Variants in PLEKHA5 observed in about 807,000 individuals in gnomAD.
PLEKHA5 encodes the protein pleckstrin homology domain-containing family A member 5.
In PLEKHA5, 55 loss-of-function variants were observed where a neutral mutation model predicts 181.9. The ratio of observed to expected loss-of-function variants is 0.30; its 90% confidence interval spans 0.24 to 0.38. The LOEUF is 0.38. PLEKHA5 is among the 10% of genes least tolerant of loss of function. The probability of loss-of-function intolerance (pLI) is 1.00; values close to 1 mark genes in which losing one functional copy is unlikely to be tolerated. For missense variants in PLEKHA5, 1,432 were observed against 1,549.5 expected (o/e 0.92, Z 1.27); for synonymous variants, 535 against 529.4 (o/e 1.01, Z -0.15).
At chr12:19,370,530 T>G (rs1249076620) in intron 31 of PLEKHA5, among the ~76,000 whole-genome samples, 1 of 152,030 alleles carries the variant, frequency 6.6e-6, no homozygotes, top group Non-Finnish European at 1.5e-5. Flanking sequence ...TGGTGTAGAG[T>G]AAGAATGTTA....
chr12:19,304,232 C>T (rs1373868885), intron 15 of PLEKHA5, among the ~76,000 whole-genome samples: 3 of 152,226 alleles, frequency 2.0e-5, no homozygotes, highest in South Asian at 2.1e-4. Flanking sequence ...TGGTGAAACC[C>T]GGTCTCTACT....
At chr12:19,360,798 C>G (rs529315530) in intron 28 of PLEKHA5, among the ~76,000 whole-genome samples, 2 of 152,092 alleles carry the variant, frequency 1.3e-5, no homozygotes, top group South Asian at 4.1e-4. Context: ...CCCTGTCGCC[C>G]AGGCTGGAGT....
chr12:19,297,486 G>A (rs956933765), intron 15 of PLEKHA5, among the ~76,000 whole-genome samples: 8 of 151,190 alleles, frequency 5.3e-5, no homozygotes, highest in Non-Finnish European at 1.0e-4. Flanking sequence ...GCCGGGCGCG[G>A]TGGCGGGCGC....
intron 3 of PLEKHA5, among the ~76,000 whole-genome samples, chr12:19,236,219 G>A (rs1245669039): frequency 6.6e-6 from 1 of 152,180 alleles, no homozygotes. Context: ...TACCTTTTCT[G>A]CTAGTTAGTA....
chr12:19,365,961 C>A lies in PLEKHA5; in HGVS notation c.3609-3C>A. On this transcript the variant is annotated splice_polypyrimidine_tract_variant and splice_region_variant and intron_variant, in intron 29 of 31. Transcript: ENST00000429027. ...TTTTTAAATACCAATCTATTTTCAT[C>A]AGCCCTCAAGATGAAACACAGACCG... 1 of 1,584,634 alleles carries A rather than the reference C, an allele frequency of 6.3e-7. No homozygotes were observed. The highest frequency in any genetic ancestry group is 8.5e-7 in the Non-Finnish European group (1 of 1,171,318).
Position 19,143,642 on chromosome 12 carries a change from G to T in PLEKHA5, c.227+11192G>T, listed in dbSNP as rs573271075. On this transcript the variant is annotated intron_variant, in intron 3 of 31. Transcript: ENST00000429027. ...TATATGTGCAATTATGCACAATTAT[G>T]TATGCGGCACATATGCATATATTAT... 7.2e-5 allele frequency among the ~76,000 whole-genome samples: 11 copies of T among 152,148 alleles called. No individual in the cohort carries two copies. The South Asian group carries it at 2.3e-3, about 32-fold the overall frequency.
Position 19,361,700 on chromosome 12 carries a change from C to A in PLEKHA5, c.3602C>A (p.Thr1201Lys). The A allele has an allele frequency of 6.3e-7, 1 of 1,592,966 alleles. No individual in the cohort carries two copies. The highest frequency in any genetic ancestry group is 8.5e-7 in the Non-Finnish European group (1 of 1,169,834). The change falls in exon 29 of 32, where the codon ACA (threonine) becomes AAA (lysine). Residue 1201 changes from threonine (T) to lysine (K), a missense_variant. This residue lies in a region of PLEKHA5 where 1,143 missense variants were observed against 1,168.4 expected (regional missense o/e 0.98). Coordinates refer to ENST00000429027, the MANE Select transcript of PLEKHA5 (RefSeq NM_001256470.2). Reference sequence around the variant, plus strand: ...AAAGACAAAATGCCTGAGGATGTTACATTCAGGTAATATTTAAGAAAAGCA... The same window carrying A: ...AAAGACAAAATGCCTGAGGATGTTAAATTCAGGTAATATTTAAGAAAAGCA... ...RNKDKMPEDV[T>K]FSPQDETQTA...
intron 3 of PLEKHA5, among the ~76,000 whole-genome samples, chr12:19,217,614 C>T (rs1592099634): frequency 6.6e-6 from 1 of 152,156 alleles, no homozygotes; most frequent in Admixed American, 6.5e-5. Flanking sequence ...AAAATTCTCC[C>T]TGGGTCAGAG....
chr12:19,216,146 C>G (rs951587564), intron 3 of PLEKHA5, among the ~76,000 whole-genome samples: 3 of 152,162 alleles, frequency 2.0e-5, no homozygotes, highest in African/African-American at 4.8e-5. Context: ...TCCGGAGAGA[C>G]AGTTTTTCCT....
intron 3 of PLEKHA5, among the ~76,000 whole-genome samples, chr12:19,192,043 A>T (rs923810648): frequency 6.6e-6 from 1 of 152,124 alleles, no homozygotes; most frequent in East Asian, 1.9e-4. Flanking sequence ...TAGGCTGGGG[A>T]TCACTGAGGG....
chr12:19,230,975 T>C (rs765599944), intron 3 of PLEKHA5, among the ~76,000 whole-genome samples: 1 of 152,218 alleles, frequency 6.6e-6, no homozygotes, highest in African/African-American at 2.4e-5. Context: ...TCATTGAGTT[T>C]GTTGCAGAGA....
At chr12:19,350,936 C>T (rs1216058259) in intron 25 of PLEKHA5, among the ~76,000 whole-genome samples, 1 of 149,732 alleles carries the variant, frequency 6.7e-6, no homozygotes, top group Non-Finnish European at 1.5e-5. Context: ...CATCCTAATC[C>T]TGTCTCCTTA....
chr12:19,148,671 ATTAC>A (rs2039571590), intron 3 of PLEKHA5, among the ~76,000 whole-genome samples: 1 of 152,240 alleles, frequency 6.6e-6, no homozygotes, highest in South Asian at 2.1e-4. Context: ...CAAAAACTTA[ATTAC>A]TTAAACTCTT....
intron 15 of PLEKHA5, among the ~76,000 whole-genome samples, chr12:19,309,162 AC>A (rs2085407818): frequency 6.6e-6 from 1 of 152,124 alleles, no homozygotes; most frequent in Admixed American, 6.5e-5. Context: ...TTATGCACTA[AC>A]CTTTTTTGAT....
At chr12:19,307,361 A>C in intron 15 of PLEKHA5, 1 of 282,878 alleles carries the variant, frequency 3.5e-6, no homozygotes, top group Non-Finnish European at 6.7e-6. Flanking sequence ...AATCCCAAAT[A>C]CTTAGGAGGC....
chr12:19,320,217 A>C (rs2090278136), intron 17 of PLEKHA5, among the ~76,000 whole-genome samples, 161 bp downstream of exon 17: 1 of 152,072 alleles, frequency 6.6e-6, no homozygotes, highest in African/African-American at 2.4e-5. Flanking sequence ...ATTTGATTTG[A>C]CACAGTTGCT....
intron 3 of PLEKHA5, among the ~76,000 whole-genome samples, chr12:19,219,066 C>G (rs917935846): frequency 2.0e-5 from 3 of 151,498 alleles, no homozygotes. Flanking sequence ...ATTTGAACTG[C>G]GCTGGTCCAC....
chr12:19,155,114 G>T (rs1005427329), intron 3 of PLEKHA5, among the ~76,000 whole-genome samples: 14 of 152,140 alleles, frequency 9.2e-5, no homozygotes, highest in African/African-American at 3.4e-4. Flanking sequence ...TCCTTCAGTT[G>T]CCTGTCTTGA....
chr12:19,332,153 A>AGG (rs2092910763), intron 20 of PLEKHA5, among the ~76,000 whole-genome samples: 2 of 152,150 alleles, frequency 1.3e-5, no homozygotes, highest in African/African-American at 4.8e-5. Context: ...GCAAACCTGT[A>AGG]GTCCTAGCTA....
Sources: gnomAD v4.1 joint callset for allele counts (sites outside exome capture counted in the v4.1 genomes callset) on GRCh38, gnomAD v4.1.1 for gene constraint, gnomAD v4.1.1 regional missense constraint, MANE v1.5 for transcripts, NCBI Gene and HGNC (gene_info 2026-07-23, HGNC 2026-07-21) for gene names.